The following FBXL4 variants were observed in gnomAD, a reference collection of about 807,000 sequenced individuals.
FBXL4 encodes F-box/LRR-repeat protein 4.
FBXL4 carries 40 observed loss-of-function variants against 58.9 expected under a neutral mutation model. The ratio of observed to expected loss-of-function variants is 0.68; its 90% CI spans 0.53 to 0.88. The LOEUF is 0.88. FBXL4 is among the 40% of genes least tolerant of loss of function. The pLI is 0.00. For missense variants in FBXL4, 676 were observed against 734.4 expected (o/e 0.92, Z 0.92); for synonymous variants, 263 against 265.5 (o/e 0.99, Z 0.09).
At position 98,871,548 on chromosome 6, in the gene FBXL4, T is replaced by G. The variant is rs1770490683; in HGVS notation, c.*2730A>C. ...CTAAGATGTGTTACAACTGGTGGTG[T>G]TAAAAATGTGTGAAGCAAAATGATT... On this transcript the variant is annotated 3_prime_UTR_variant, in exon 10 of 10. Coordinates refer to ENST00000369244, the MANE Select transcript of FBXL4 (RefSeq NM_001278716.2). 1 of 152,216 alleles carries G rather than the reference T, an allele frequency of 6.6e-6. No homozygotes were observed. The highest frequency in any genetic ancestry group is 1.5e-5 in the Non-Finnish European group (1 of 68,042). 9.4% of individuals were successfully genotyped at this position (152,216 alleles called of 1,614,324 possible). A position where few individuals can be genotyped will look rare whatever the true frequency, so the allele number is the denominator to read the frequency against.
intron 1 of FBXL4, among the ~76,000 whole-genome samples, chr6:98,946,027 A>C (rs1205243478): frequency 2.6e-5 from 4 of 152,220 alleles, no homozygotes; most frequent in Non-Finnish European, 5.9e-5. Flanking sequence ...AAAGAAAGGG[A>C]ATCAACTTGC....
chr6:98,881,612 T>C (rs1416638310), intron 7 of FBXL4, among the ~76,000 whole-genome samples: 3 of 152,062 alleles, frequency 2.0e-5, no homozygotes, highest in Admixed American at 6.6e-5. Context: ...AAGATTCTCA[T>C]TGAGAAAATA....
intron 7 of FBXL4, among the ~76,000 whole-genome samples, chr6:98,884,104 C>T (rs1403835201): frequency 6.6e-6 from 1 of 151,720 alleles, no homozygotes; most frequent in Admixed American, 6.6e-5. Flanking sequence ...TACTGAGTGT[C>T]TACAGGTGAT....
intron 7 of FBXL4, among the ~76,000 whole-genome samples, chr6:98,884,051 C>A (rs1258189277): frequency 5.9e-5 from 9 of 151,706 alleles, no homozygotes; most frequent in African/African-American, 2.2e-4. Context: ...TACTTCCTTA[C>A]AGAATTTGTC....
chr6:98,917,225 C>G (rs1485415931), intron 5 of FBXL4, 149 bp downstream of exon 5: 1 of 497,940 alleles, frequency 2.0e-6, no homozygotes, highest in South Asian at 7.3e-5. Flanking sequence ...ATGATTTTGT[C>G]TAGTTTTTCC....
chr6:98,883,610 T>C (rs1770928583), intron 7 of FBXL4, among the ~76,000 whole-genome samples: 4 of 151,938 alleles, frequency 2.6e-5, no homozygotes, highest in African/African-American at 7.2e-5. Context: ...TATGGTAGGA[T>C]ATCAAATTTC....
At chr6:98,879,863 A>C (rs866964516) in intron 8 of FBXL4, among the ~76,000 whole-genome samples, 2 of 150,510 alleles carry the variant, frequency 1.3e-5, no homozygotes, top group South Asian at 4.2e-4. Context: ...GAATTGCTTG[A>C]ATCCGGGAGA....
intron 1 of FBXL4, among the ~76,000 whole-genome samples, chr6:98,944,851 T>A (rs1773561836): frequency 6.6e-6 from 1 of 152,192 alleles, no homozygotes; most frequent in Admixed American, 6.5e-5. Context: ...TGGGCTCTTA[T>A]CACATCACCC....
intron 1 of FBXL4, among the ~76,000 whole-genome samples, chr6:98,935,169 A>C (rs1773159882): frequency 6.6e-6 from 1 of 152,292 alleles, no homozygotes; most frequent in Admixed American, 6.5e-5. Context: ...TCTTTCCTAG[A>C]CTTTCTTTAA....
intron 2 of FBXL4, among the ~76,000 whole-genome samples, chr6:98,930,809 T>C (rs1772984754): frequency 6.6e-6 from 1 of 152,180 alleles, no homozygotes. Flanking sequence ...ATTGAAATGG[T>C]ACAAATCTTT....
intron 7 of FBXL4, among the ~76,000 whole-genome samples, chr6:98,893,315 A>G (rs906161525): frequency 6.6e-6 from 1 of 152,178 alleles, no homozygotes; most frequent in Non-Finnish European, 1.5e-5. Context: ...CTTGCTTACA[A>G]TTCTGGAGGC....
At chr6:98,898,462 G>T in intron 7 of FBXL4, 1 of 978,722 alleles carries the variant, frequency 1.0e-6, no homozygotes, top group Non-Finnish European at 1.2e-6. Context: ...AAAATTAGCT[G>T]GGCATGGTGG....
At chr6:98,927,988 A>G (rs1442002145) in intron 2 of FBXL4, among the ~76,000 whole-genome samples, 166 bp from the exon 3 acceptor site, 1 of 152,254 alleles carries the variant, frequency 6.6e-6, no homozygotes, top group Non-Finnish European at 1.5e-5. Flanking sequence ...ATGATAGAAT[A>G]TAATAAAGAT....
chr6:98,889,084 T>A (rs773260278), intron 7 of FBXL4, among the ~76,000 whole-genome samples: 1 of 152,130 alleles, frequency 6.6e-6, no homozygotes, highest in Non-Finnish European at 1.5e-5. Flanking sequence ...GGTAAAGAAG[T>A]AAACAGCAAA....
intron 5 of FBXL4, among the ~76,000 whole-genome samples, chr6:98,908,390 T>C (rs1324566005): frequency 1.3e-5 from 2 of 152,196 alleles, no homozygotes; most frequent in East Asian, 1.9e-4. Context: ...TTCCGTTTCA[T>C]AGAAGTGACA....
intron 4 of FBXL4, among the ~76,000 whole-genome samples, chr6:98,920,819 TACACACACACACACACACACAC>T (rs10633715): frequency 6.9e-6 from 1 of 144,842 alleles, no homozygotes; most frequent in Non-Finnish European, 1.5e-5. Flanking sequence ...TACACACACA[TACACACACACACACACACACAC>T]ACACACACAC....
chr6:98,902,330 C>T (rs1771644852), intron 6 of FBXL4, among the ~76,000 whole-genome samples: 1 of 151,698 alleles, frequency 6.6e-6, no homozygotes, highest in Admixed American at 6.6e-5. Flanking sequence ...CAAAATAAAG[C>T]CATTAAAAAC....
intron 7 of FBXL4, among the ~76,000 whole-genome samples, chr6:98,885,070 A>G (rs114723884): frequency 0.013 from 1,968 of 152,326 alleles, 32 homozygotes; most frequent in African/African-American, 0.045. Context: ...TTACTAGGCC[A>G]TGGGGTACCC....
chr6:98,891,096 C>T (rs1032080984), intron 7 of FBXL4, among the ~76,000 whole-genome samples: 1 of 152,072 alleles, frequency 6.6e-6, no homozygotes, highest in African/African-American at 2.4e-5. Flanking sequence ...TTCAAATACA[C>T]AATATGGTAT....
Sources: gnomAD v4.1 joint callset for allele counts (sites outside exome capture counted in the v4.1 genomes callset) on GRCh38, gnomAD v4.1.1 for gene constraint, MANE v1.5 for transcripts, NCBI Gene and HGNC (gene_info 2026-07-23, HGNC 2026-07-21) for gene names.